SLC12A2: variants seen among roughly 807,000 people sequenced by gnomAD.
SLC12A2 encodes Na-K-2Cl cotransporter 1.
A neutral mutation model predicts 136.3 loss-of-function variants in SLC12A2; 67 were observed. The observed-to-expected ratio is 0.49, with a 90% CI of 0.40 to 0.60. The LOEUF is 0.60. Ranked by LOEUF, SLC12A2 falls within the 20% of genes least tolerant of loss-of-function variation. The pLI is 0.00. For missense variants in SLC12A2, 1,322 were observed against 1,534.7 expected (o/e 0.86, Z 2.32); for synonymous variants, 619 against 562.9 (o/e 1.10, Z -1.41).
intron 1 of SLC12A2, among the ~76,000 whole-genome samples, chr5:128,102,717 A>G (rs890763046): frequency 7.1e-6 from 1 of 141,758 alleles, no homozygotes; most frequent in African/African-American, 2.7e-5. Context: ...GGCTCAAGTT[A>G]TCCTCTGGCC....
chr5:128,182,928 C>G lies in SLC12A2; in HGVS notation c.3286C>G (p.Pro1096Ala). ...IMVLGDINTK[P>A]KKENIIAFEE... ...GGTTCTAGGAGATATCAATACCAAA[C>G]CAAAGAAAGAAAAGTAAGTTACTCT... The change falls in exon 24 of 27, where the codon CCA becomes GCA. Residue 1096 changes from proline to alanine, a missense_variant. Transcript: ENST00000262461. The G allele has an allele frequency of 1.9e-6, 3 of 1,605,436 alleles. No homozygotes were observed. Among genetic ancestry groups the G allele is most frequent in the Non-Finnish European group, 2.6e-6 (3 of 1,174,360 alleles).
Position 128,181,030 on chromosome 5 carries a change from T to C in SLC12A2, c.3212+36T>C, listed in dbSNP as rs202009543. 349 of 1,126,204 alleles carry C rather than the reference T, an allele frequency of 3.1e-4. 4 individuals carry two copies. In the Admixed American group the frequency reaches 5.7e-3, roughly 18 times the overall value. 69.8% of individuals were successfully genotyped at this position (1,126,204 alleles called of 1,614,324 possible). On this transcript the variant is annotated intron_variant, in intron 23 of 26. Transcript: ENST00000262461. Reference sequence around the variant, plus strand: ...TTCACATTGAAGGGCATGAATCTATTAGCACTTCATTGCTACAGTATAAAT... The same window carrying C: ...TTCACATTGAAGGGCATGAATCTATCAGCACTTCATTGCTACAGTATAAAT...
At chr5:128,109,768 C>T in intron 1 of SLC12A2, 10 of 865,862 alleles carry the variant, frequency 1.2e-5, no homozygotes, top group South Asian at 1.0e-4. Flanking sequence ...AGGATGGGTC[C>T]TTCATGGTAA....
chr5:128,155,195 A>G (rs1762836581), intron 15 of SLC12A2, among the ~76,000 whole-genome samples: 1 of 152,166 alleles, frequency 6.6e-6, no homozygotes. Flanking sequence ...GAGAAATTTC[A>G]CCACACTACT....
Position 128,147,752 on chromosome 5 carries a change from C to G in SLC12A2, c.1881+23C>G, listed in dbSNP as rs766343465. On this transcript the variant is annotated intron_variant, in intron 11 of 26. Coordinates refer to ENST00000262461, the MANE Select transcript of SLC12A2 (RefSeq NM_001046.3). ...CAGGTAAGTGTTTTTATATTACAGG[C>G]TTTATTAAAGGGAGAGTTAAAGTAA... 25 of 1,390,546 alleles carry G rather than the reference C, an allele frequency of 1.8e-5. No homozygotes were observed. In the Admixed American group the frequency reaches 2.4e-4, roughly 13 times the overall value. The allele number at this position is 1,390,546 out of a possible 1,614,324, so 86.1% of individuals were successfully genotyped here.
Position 128,083,791 on chromosome 5 carries a change from G to T in SLC12A2, c.-164G>T. On this transcript the variant is annotated 5_prime_UTR_variant, in exon 1 of 27. Transcript: ENST00000262461. Reference sequence around the variant, plus strand: ...ACACTCGCGCGCTCGCTCGGCTGCCGGTGGCCTCTGTGGCCGTCCAGGCTA... The same window carrying T: ...ACACTCGCGCGCTCGCTCGGCTGCCTGTGGCCTCTGTGGCCGTCCAGGCTA... 4.4e-6 allele frequency: 2 copies of T among 452,570 alleles called. No individual in the cohort carries two copies. Among genetic ancestry groups the T allele is most frequent in the Non-Finnish European group, 7.0e-6 (2 of 284,268 alleles). The allele number at this position is 452,570 out of a possible 1,614,324, so 28.0% of individuals were successfully genotyped here. A position where few individuals can be genotyped will look rare whatever the true frequency, so the allele number is the denominator to read the frequency against.
At chr5:128,116,351 T>C (rs916150280) in intron 4 of SLC12A2, among the ~76,000 whole-genome samples, 2 of 150,872 alleles carry the variant, frequency 1.3e-5, no homozygotes, top group African/African-American at 2.4e-5. Flanking sequence ...AATAATACCA[T>C]TTGTAGTTTA....
chr5:128,093,375 C>T (rs574890437), intron 1 of SLC12A2, among the ~76,000 whole-genome samples: 2 of 152,248 alleles, frequency 1.3e-5, no homozygotes, highest in African/African-American at 4.8e-5. Context: ...CATCTGTAGT[C>T]CAATGACTCC....
At chr5:128,165,871 T>A (rs1026350970) in intron 17 of SLC12A2, among the ~76,000 whole-genome samples, 3 of 151,440 alleles carry the variant, frequency 2.0e-5, no homozygotes, top group Non-Finnish European at 4.4e-5. Context: ...ATGGCTTAGT[T>A]CTTTAAAAAG....
In SLC12A2 at chr5:128,083,965, G is replaced by A. The variant is rs999011794; in HGVS notation, c.11G>A (p.Arg4Gln). 17 of 1,237,362 alleles carry A rather than the reference G, an allele frequency of 1.4e-5. No homozygotes were observed. Among genetic ancestry groups the A allele is most frequent in the South Asian group, 3.3e-5 (1 of 30,118 alleles). The allele number at this position is 1,237,362 out of a possible 1,614,324, so 76.6% of individuals were successfully genotyped here. A position where few individuals can be genotyped will look rare whatever the true frequency, so the allele number is the denominator to read the frequency against. ...GGGGGTCGGGCAGCTATGGAGCCGCGGCCCACGGCGCCCTCCTCCGGCGCC... is the reference window on the plus strand; with the variant it reads ...GGGGGTCGGGCAGCTATGGAGCCGCAGCCCACGGCGCCCTCCTCCGGCGCC... The part of the protein sequence containing the change: MEP[R>Q]PTAPSSGAPG... Residue 4 changes from arginine (R) to glutamine (Q), a missense_variant, in exon 1 of 27, where the codon CGG becomes CAG. This residue lies in a region of SLC12A2 where 358 missense variants were observed against 299.7 expected (regional missense o/e 1.19). Transcript: ENST00000262461.
chr5:128,181,480 T>A (rs1315988159), intron 23 of SLC12A2, among the ~76,000 whole-genome samples: 1 of 152,202 alleles, frequency 6.6e-6, no homozygotes, highest in Non-Finnish European at 1.5e-5. Context: ...AACATGTATA[T>A]TGTACAGAGT....
At chr5:128,122,264 A>T (rs1179242616) in intron 4 of SLC12A2, among the ~76,000 whole-genome samples, 1 of 152,170 alleles carries the variant, frequency 6.6e-6, no homozygotes, top group Non-Finnish European at 1.5e-5. Context: ...TTCCATGATG[A>T]AGTTTTATGT....
intron 1 of SLC12A2, among the ~76,000 whole-genome samples, chr5:128,100,835 T>C (rs1268072394): frequency 6.6e-6 from 1 of 152,194 alleles, no homozygotes; most frequent in African/African-American, 2.4e-5. Context: ...TTAAAATATT[T>C]TCAAGCTTTT....
chr5:128,179,227 T>G (rs2126755598), intron 22 of SLC12A2, among the ~76,000 whole-genome samples: 1 of 152,360 alleles, frequency 6.6e-6, no homozygotes, highest in South Asian at 2.1e-4. Context: ...AATACACTAT[T>G]CTTGCAGCCT....
chr5:128,174,691 C>A (rs754396885), intron 20 of SLC12A2, 25 bp downstream of exon 20: 4 of 1,511,066 alleles, frequency 2.6e-6, no homozygotes, highest in Non-Finnish European at 3.6e-6. Flanking sequence ...AACAATAAGT[C>A]TTATTAATAG....
Position 128,114,615 on chromosome 5 carries a change from A to G in SLC12A2, c.982A>G (p.Thr328Ala). ...ATCAGTCCTTGTAATAATGATGGCC[A>G]CTGTTGTGACAACTATCACAGGATT... ...GLSVLVIMMA[T>A]VVTTITGLST... Residue 328 changes from threonine to alanine, a missense_variant, in exon 4 of 27, where the codon ACT becomes GCT. By Grantham distance (58) the Thr-to-Ala change is moderately conservative (BLOSUM62 0). Coordinates refer to ENST00000262461, the MANE Select transcript of SLC12A2 (RefSeq NM_001046.3). The G allele has an allele frequency of 3.7e-6, 6 of 1,612,022 alleles. No homozygotes were observed. The highest frequency in any genetic ancestry group is 5.1e-6 in the Non-Finnish European group (6 of 1,178,258).
At chr5:128,088,626 T>A (rs1760192208) in intron 1 of SLC12A2, among the ~76,000 whole-genome samples, 1 of 152,214 alleles carries the variant, frequency 6.6e-6, no homozygotes, top group Non-Finnish European at 1.5e-5. Context: ...TAATTTCTAA[T>A]ATTTTTGTTT....
rs11958732 is a variant in SLC12A2 at position 128,109,639 on chromosome 5, G to A, written c.757-3175G>A. 1.1e-5 allele frequency: 9 copies of A among 793,688 alleles called. No individual in the cohort carries two copies. The South Asian group carries it at 1.2e-4, about 11-fold the overall frequency. 49.2% of individuals were successfully genotyped at this position (793,688 alleles called of 1,614,324 possible). ...TTCCTACCCAGTATTTCTATATTCA[G>A]ACAGTGGATACATCAGGGAATAGCT... On this transcript the variant is annotated intron_variant, in intron 1 of 26. Transcript: ENST00000262461.
intron 4 of SLC12A2, among the ~76,000 whole-genome samples, chr5:128,123,068 G>A (rs1260336662): frequency 6.6e-6 from 1 of 152,092 alleles, no homozygotes; most frequent in East Asian, 1.9e-4. Flanking sequence ...TTACTCATTG[G>A]TGACCTTTCA....
Sources: gnomAD v4.1 joint callset for allele counts (sites outside exome capture counted in the v4.1 genomes callset) on GRCh38, gnomAD v4.1.1 for gene constraint, gnomAD v4.1.1 regional missense constraint, MANE v1.5 for transcripts, NCBI Gene and HGNC (gene_info 2026-07-23, HGNC 2026-07-21) for gene names.